Variants in CCDC136 observed in about 807,000 individuals in gnomAD.
The protein encoded by CCDC136 is coiled-coil domain containing 136.
Under a neutral mutation model 141.2 loss-of-function variants are expected in CCDC136, and 100 were observed. The observed-to-expected ratio is 0.71, with a 90% CI of 0.60 to 0.84. The LOEUF (loss-of-function observed/expected upper bound fraction) is 0.84, where lower values mean the gene tolerates loss of function less well. Ranked by LOEUF, CCDC136 falls within the 40% of genes least tolerant of loss-of-function variation. The pLI is 0.00. For synonymous variants in CCDC136, 474 were observed against 531.9 expected, an observed-to-expected ratio of 0.89 and a Z score of 1.50; for missense variants, 1,206 against 1,379.4, an observed-to-expected ratio of 0.87 and a Z score of 1.99.
chr7:128,806,353 C>G lies in CCDC136; in HGVS notation c.1206C>G (p.Leu402=), dbSNP rs1168546698. Residue 402 remains leucine (L), a synonymous_variant, in exon 8 of 18, where the codon CTC becomes CTG. Coordinates refer to ENST00000297788, the MANE Select transcript of CCDC136 (RefSeq NM_022742.5). ...QLQLQTELRQ[L]KVMKSTLVEN... is the part of the protein sequence containing the mutation. Reference sequence around the variant, plus strand: ...AACTTCAGACTGAGCTCCGGCAGCTCAAAGTCATGAAATCCACACTTGTAG... The same window carrying G: ...AACTTCAGACTGAGCTCCGGCAGCTGAAAGTCATGAAATCCACACTTGTAG... 6.2e-7 allele frequency: 1 copy of G among 1,604,344 alleles called. No homozygotes were observed. The highest frequency in any genetic ancestry group is 8.5e-7 in the Non-Finnish European group (1 of 1,175,474).
rs576388205 is a variant in CCDC136, at chr7:128,794,476, C to A, written c.145C>A (p.Arg49=). Residue 49 remains arginine (R), a synonymous_variant, in exon 2 of 18, where the codon CGG becomes AGG. Transcript: ENST00000297788. This position sits in a 1 kb window ranked among gnomAD's most constrained non-coding sequence, Gnocchi z 4.3. ...TGGCTCTCTGTCAGTCAACAAGCAC[C>A]GGGGACTGAGCCTCACGGAGACAGA... ...SVGSLSVNKH[R]GLSLTETELE... The A allele has an allele frequency of 6.4e-7, 1 of 1,552,200 alleles. No homozygotes were observed. The highest frequency in any genetic ancestry group is 2.4e-5 in the East Asian group (1 of 40,926).
chr7:128,793,626 T>C (rs538568222), intron 1 of CCDC136, among the ~76,000 whole-genome samples: 154 of 152,306 alleles, frequency 1.0e-3, no homozygotes, highest in African/African-American at 3.6e-3. Context: ...TTTGTTTGTT[T>C]GAGACGGAGA....
In CCDC136 at chr7:128,816,209, G is replaced by A. The variant is rs114026176; in HGVS notation, c.3363+278G>A. Among the ~76,000 whole-genome samples the A allele has an allele frequency of 3.1e-3, 473 of 152,328 alleles. 4 individuals are homozygous for A. Among genetic ancestry groups the A allele is most frequent in the African/African-American group, 0.011 (448 of 41,570 alleles). ...GGGTCTCTGGAGTCCTTTCATTTAC[G>A]TAGTAGCCTTTGTTACCTTCCTTAT... On this transcript the variant is annotated intron_variant, in intron 16 of 17. Coordinates refer to ENST00000297788, the MANE Select transcript of CCDC136 (RefSeq NM_022742.5).
At chr7:128,813,324 T>C (rs1217392099) in intron 14 of CCDC136, among the ~76,000 whole-genome samples, 1 of 152,222 alleles carries the variant, frequency 6.6e-6, no homozygotes, top group Admixed American at 6.5e-5. Flanking sequence ...ACATGTCTCC[T>C]TTTGGATCGC....
Position 128,801,434 on chromosome 7 carries a change from C to G in CCDC136, c.595C>G (p.Leu199Val). Reference protein sequence around the residue: ...RGDYEMEIASLRAEMEMKSSE... With the variant: ...RGDYEMEIASVRAEMEMKSSE... The stretch of plus-strand genomic sequence containing the variant: ...AGATTATGAGATGGAGATCGCCTCC[C>G]TCCGTGCAGAAATGGAAATGAAGAG... The change falls in exon 4 of 18, where the codon CTC (leucine) becomes GTC (valine). Residue 199 changes from leucine to valine, a missense_variant. Leu to Val is a conservative substitution (Grantham distance 32, BLOSUM62 1). Coordinates refer to ENST00000297788, the MANE Select transcript of CCDC136 (RefSeq NM_022742.5). The G allele has an allele frequency of 3.1e-6, 5 of 1,613,454 alleles. No homozygotes were observed. The highest frequency in any genetic ancestry group is 4.2e-6 in the Non-Finnish European group (5 of 1,179,724).
chr7:128,808,099 C>A (rs755585897), intron 10 of CCDC136, among the ~76,000 whole-genome samples: 1 of 152,190 alleles, frequency 6.6e-6, no homozygotes, highest in Non-Finnish European at 1.5e-5. Context: ...TGCAGTGACA[C>A]GATCTCAGCT....
chr7:128,795,035 G>A (rs1802734731), intron 3 of CCDC136, among the ~76,000 whole-genome samples: 1 of 151,956 alleles, frequency 6.6e-6, no homozygotes, highest in Non-Finnish European at 1.5e-5. Context: ...GTCCCTGGTG[G>A]GCTCTTTCCT....
intron 1 of CCDC136, among the ~76,000 whole-genome samples, chr7:128,793,223 C>T (rs545530074): frequency 3.3e-5 from 5 of 152,324 alleles, no homozygotes; most frequent in African/African-American, 1.2e-4. Flanking sequence ...AGTAAAGGAG[C>T]GGGTGCTCAC....
chr7:128,814,212 A>G (rs1290222609), intron 14 of CCDC136, among the ~76,000 whole-genome samples: 1 of 151,436 alleles, frequency 6.6e-6, no homozygotes, highest in Non-Finnish European at 1.5e-5. Context: ...CAGCTTCCCA[A>G]GTTTCTGGGA....
At position 128,804,684 on chromosome 7, in the gene CCDC136, C is replaced by T; in HGVS notation, c.705C>T (p.Phe235=). Residue 235 remains phenylalanine, a synonymous_variant, in exon 5 of 18, where the codon TTC becomes TTT. Coordinates refer to ENST00000297788, the MANE Select transcript of CCDC136 (RefSeq NM_022742.5). ...AGGAGCTGCGGGAACGCTACCATTT[C>T]CTGAATGAGGAATACCGGGCCCTGC... The part of the protein sequence containing the change: ...ELQELRERYH[F]LNEEYRALQE... The T allele has an allele frequency of 6.3e-7, 1 of 1,591,948 alleles. No individual in the cohort carries two copies. The highest frequency in any genetic ancestry group is 1.2e-5 in the South Asian group (1 of 86,906).
At chr7:128,810,857 T>A (rs1749343475) in intron 12 of CCDC136, among the ~76,000 whole-genome samples, 1 of 152,220 alleles carries the variant, frequency 6.6e-6, no homozygotes, top group Non-Finnish European at 1.5e-5. Context: ...GAAGAATTCC[T>A]AGCATATGGG....
At position 128,792,375 on chromosome 7, in the gene CCDC136, G is replaced by A; in HGVS notation, c.-37G>A. Reference sequence around the variant, plus strand: ...AGGCTTCCGAGGGCTGTGAGAGGAAGAAGGGCCAACGCTGGGGGTCCCTGG... The same window carrying A: ...AGGCTTCCGAGGGCTGTGAGAGGAAAAAGGGCCAACGCTGGGGGTCCCTGG... On this transcript the variant is annotated 5_prime_UTR_variant, in exon 1 of 18. Coordinates refer to ENST00000297788, the MANE Select transcript of CCDC136 (RefSeq NM_022742.5). The A allele has an allele frequency of 6.2e-7, 1 of 1,606,112 alleles. No homozygotes were observed. Among genetic ancestry groups the A allele is most frequent in the Non-Finnish European group, 8.5e-7 (1 of 1,176,002 alleles).
chr7:128,816,473 G>A (rs189168591), intron 16 of CCDC136, among the ~76,000 whole-genome samples: 4 of 152,258 alleles, frequency 2.6e-5, no homozygotes, highest in Non-Finnish European at 4.4e-5. Flanking sequence ...GGTGGGGCCT[G>A]GAAGTGATCA....
At position 128,814,768 on chromosome 7, in the gene CCDC136, G is replaced by A. The variant is rs779042205; in HGVS notation, c.2894G>A (p.Arg965His). 8.1e-6 allele frequency: 13 copies of A among 1,613,272 alleles called. No individual in the cohort carries two copies. The highest frequency in any genetic ancestry group is 2.2e-5 in the South Asian group (2 of 90,968). Reference sequence around the variant, plus strand: ...CTGCAGTGCTGCCAGGAGGAGCTCCGCCAGCTCAGGGAGAAGAGGCCTTCT... The same window carrying A: ...CTGCAGTGCTGCCAGGAGGAGCTCCACCAGCTCAGGGAGAAGAGGCCTTCT... ...GQLQCCQEELRQLREKRPSVV... is the reference protein window; with the variant it reads ...GQLQCCQEELHQLREKRPSVV... Residue 965 changes from arginine to histidine, a missense_variant, in exon 15 of 18, where the codon CGC becomes CAC. Transcript: ENST00000297788.
Position 128,794,224 on chromosome 7 carries a change from T to G in CCDC136, c.17-124T>G. On this transcript the variant is annotated intron_variant, in intron 1 of 17. Transcript: ENST00000297788. The surrounding 1 kb of genome is among the most constrained non-coding windows in gnomAD (Gnocchi z 4.3). ...AGTACAGGTCTTGCCCCGGGGCTCC[T>G]TGGGGGACACCAGGTGGCACTAGTA... The G allele has an allele frequency of 1.4e-6, 2 of 1,390,270 alleles. No individual in the cohort carries two copies. The highest frequency in any genetic ancestry group is 2.0e-6 in the Non-Finnish European group (2 of 1,005,706). The allele number at this position is 1,390,270 out of a possible 1,614,324, so 86.1% of individuals were successfully genotyped here.
intron 17 of CCDC136, among the ~76,000 whole-genome samples, chr7:128,819,117 C>T (rs1807089202): frequency 6.6e-6 from 1 of 152,236 alleles, no homozygotes; most frequent in Non-Finnish European, 1.5e-5. Context: ...TGTTTCTCCC[C>T]TGTCACCCCC....
intron 5 of CCDC136, among the ~76,000 whole-genome samples, chr7:128,804,975 A>C (rs1804612266): frequency 6.6e-6 from 1 of 152,132 alleles, no homozygotes; most frequent in Admixed American, 6.5e-5. Context: ...GTGAGTTCTG[A>C]AGTTTACTTC....
At chr7:128,799,928 CTT>C (rs2128902001) in intron 3 of CCDC136, among the ~76,000 whole-genome samples, 1 of 152,192 alleles carries the variant, frequency 6.6e-6, no homozygotes, top group East Asian at 1.9e-4. Flanking sequence ...ACAGAGAACT[CTT>C]AACTCATTAT....
rs1302420184 is a variant in CCDC136, at chr7:128,809,655, C to T, written c.1800+11C>T. The T allele has an allele frequency of 9.4e-6, 14 of 1,494,308 alleles. No individual in the cohort carries two copies. In the South Asian group the frequency reaches 9.4e-5, roughly 10 times the overall value. The allele number at this position is 1,494,308 out of a possible 1,614,324, so 92.6% of individuals were successfully genotyped here. A position where few individuals can be genotyped will look rare whatever the true frequency, so the allele number is the denominator to read the frequency against. Reference sequence around the variant, plus strand: ...GGCCTCTTACTCAAGGTAACTCTGCCACAGGCAGCTGCTAACTGCGGGGAA... The same window carrying T: ...GGCCTCTTACTCAAGGTAACTCTGCTACAGGCAGCTGCTAACTGCGGGGAA... On this transcript the variant is annotated intron_variant, in intron 11 of 17. Coordinates refer to ENST00000297788, the MANE Select transcript of CCDC136 (RefSeq NM_022742.5).
Sources: gnomAD v4.1 joint callset for allele counts (sites outside exome capture counted in the v4.1 genomes callset) on GRCh38, gnomAD v4.1.1 for gene constraint, Gnocchi (gnomAD v3.1) non-coding constraint, MANE v1.5 for transcripts, NCBI Gene and HGNC (gene_info 2026-07-23, HGNC 2026-07-21) for gene names.